The following CELF5 variants were observed in gnomAD, a reference collection of about 807,000 sequenced individuals.
CELF5 encodes CUG-BP and ETR-3 like factor 5.
Under a neutral mutation model 54.9 loss-of-function variants are expected in CELF5, and 6 were observed. That is an observed-to-expected ratio of 0.11 (90% CI 0.06 to 0.22). CELF5 has a LOEUF of 0.22. Ranked by LOEUF, CELF5 falls within the 10% of genes least tolerant of loss-of-function variation. The pLI is 1.00. For synonymous variants in CELF5, 271 were observed against 290.9 expected, an observed-to-expected ratio of 0.93 and a Z score of 0.70; for missense variants, 401 against 678.6, an observed-to-expected ratio of 0.59 and a Z score of 4.54.
chr19:3,242,304 C>T (rs992362224), intron 1 of CELF5, among the ~76,000 whole-genome samples: 14 of 151,770 alleles, frequency 9.2e-5, no homozygotes, highest in African/African-American at 2.4e-4. Context: ...GAGGCTGAGG[C>T]GGGCAGATTA....
chr19:3,276,044 G>C, intron 4 of CELF5, 60 bp downstream of exon 4: 1 of 565,336 alleles, frequency 1.8e-6, no homozygotes, highest in East Asian at 5.1e-5. Context: ...TGGGGGCGGG[G>C]CCTGTGGGGA....
At chr19:3,241,765 G>A (rs1270418378) in intron 1 of CELF5, among the ~76,000 whole-genome samples, 2 of 152,088 alleles carry the variant, frequency 1.3e-5, no homozygotes, top group Non-Finnish European at 2.9e-5. Flanking sequence ...GACAAAGGTG[G>A]CACTAGTTTG....
chr19:3,224,693 C>T lies in CELF5; in HGVS notation c.-47C>T, dbSNP rs1390761359. ...GCGGCCGCCGCTCCAGCTGCGAGTC[C>T]GCCCGCCGCCCGCCGCCGCCGCCGC... On this transcript the variant is annotated 5_prime_UTR_variant, in exon 1 of 13. Transcript: ENST00000292672. 13 of 995,422 alleles carry T rather than the reference C, an allele frequency of 1.3e-5. No homozygotes were observed. The highest frequency in any genetic ancestry group is 1.8e-5 in the African/African-American group (1 of 56,882). 61.7% of individuals were successfully genotyped at this position (995,422 alleles called of 1,614,324 possible).
Position 3,289,681 on chromosome 19 carries a change from C to CAAAAAAAAAAAA in CELF5, c.1187-527_1187-516dup, listed in dbSNP as rs35144942. Among the ~76,000 whole-genome samples, 63 of 47,134 alleles carry CAAAAAAAAAAAA rather than the reference C, an allele frequency of 1.3e-3. 6 individuals are homozygous for CAAAAAAAAAAAA. Among genetic ancestry groups the CAAAAAAAAAAAA allele is most frequent in the African/African-American group, 2.3e-3 (23 of 10,010 alleles). 30.9% of individuals were successfully genotyped at this position (47,134 alleles called of 152,430 possible). A position where few individuals can be genotyped will look rare whatever the true frequency, so the allele number is the denominator to read the frequency against. On this transcript the variant is annotated intron_variant, in intron 10 of 12. Transcript: ENST00000292672. ...TGGGCGACAGAGCGAGACTCCATCT[C>CAAAAAAAAAAAA]AAAAAAAAAAAAAAAAAAAAAAAAA... is the stretch of plus-strand genomic sequence containing the variant.
chr19:3,232,668 G>T (rs1038586588), intron 1 of CELF5, among the ~76,000 whole-genome samples: 1 of 152,184 alleles, frequency 6.6e-6, no homozygotes, highest in Middle Eastern at 3.4e-3. Context: ...CAGGCTGGCT[G>T]CAGTGCATCA....
chr19:3,251,743 C>T (rs1261454046), intron 2 of CELF5, among the ~76,000 whole-genome samples: 8 of 142,066 alleles, frequency 5.6e-5, no homozygotes, highest in Non-Finnish European at 9.0e-5. Flanking sequence ...GTCATGATCT[C>T]GGTTCACTGC....
chr19:3,242,877 T>A (rs758927543), intron 1 of CELF5, among the ~76,000 whole-genome samples: 78 of 151,608 alleles, frequency 5.1e-4, no homozygotes, highest in Non-Finnish European at 9.6e-4. Flanking sequence ...TGAAAGAGAG[T>A]CATTTGAACC....
Position 3,281,502 on chromosome 19 carries a change from C to T in CELF5, c.750+157C>T, listed in dbSNP as rs576194760. Among the ~76,000 whole-genome samples the T allele has an allele frequency of 3.9e-5, 6 of 152,146 alleles. No homozygotes were observed. Among genetic ancestry groups the T allele is most frequent in the Admixed American group, 6.5e-5 (1 of 15,276 alleles). ...CTCCAAATTGAGACCAAGCTCAGAC[C>T]GAGCCCCTAAATCCAGAAGACTGAG... is the stretch of plus-strand genomic sequence containing the variant. On this transcript the variant is annotated intron_variant, in intron 6 of 12. Coordinates refer to ENST00000292672, the MANE Select transcript of CELF5 (RefSeq NM_021938.4). This position sits in a 1 kb window ranked among gnomAD's most constrained non-coding sequence, Gnocchi z 6.5.
Position 3,278,135 on chromosome 19 carries a change from T to TG in CELF5, c.603+30dup. 1 of 766,102 alleles carries TG rather than the reference T, an allele frequency of 1.3e-6. No homozygotes were observed. Among genetic ancestry groups the TG allele is most frequent in the East Asian group, 3.9e-5 (1 of 25,760 alleles). 47.5% of individuals were successfully genotyped at this position (766,102 alleles called of 1,614,324 possible). A position where few individuals can be genotyped will look rare whatever the true frequency, so the allele number is the denominator to read the frequency against. ...GGTGAGTTGGAGCTGCCCTTGGCCG[T>TG]GGGGGTGGGGGTGGGAAAGGGGTGA... is the stretch of plus-strand genomic sequence containing the variant. On this transcript the variant is annotated intron_variant, in intron 5 of 12. Transcript: ENST00000292672. The surrounding 1 kb of genome is among the most constrained non-coding windows in gnomAD (Gnocchi z 4.5).
In CELF5 at chr19:3,281,237, G is replaced by T. The variant is rs760925971; in HGVS notation, c.642G>T (p.Thr214=). ...GCCTGGTGGTCAAGTTCGCCGACAC[G>T]GACAAGGAGCGGACGCTCCGGCGCA... ...SSSLVVKFAD[T]DKERTLRRMQ... The change falls in exon 6 of 13, where the codon ACG becomes ACT. Residue 214 remains threonine (T), a synonymous_variant. Transcript: ENST00000292672. This position sits in a 1 kb window ranked among gnomAD's most constrained non-coding sequence, Gnocchi z 6.5. 6.2e-7 allele frequency: 1 copy of T among 1,610,184 alleles called. No individual in the cohort carries two copies.
At chr19:3,255,092 A>G (rs1289210573) in intron 2 of CELF5, among the ~76,000 whole-genome samples, 1 of 152,124 alleles carries the variant, frequency 6.6e-6, no homozygotes, top group African/African-American at 2.4e-5. Context: ...TCCCATCATC[A>G]GTTCTGTGAC....
In CELF5 at chr19:3,268,038, GCCC is replaced by G. The variant is rs2079907301; in HGVS notation, c.343-5833_343-5831del. Among the ~76,000 whole-genome samples, 1 of 151,998 alleles carries G rather than the reference GCCC, an allele frequency of 6.6e-6. No homozygotes were observed. The highest frequency in any genetic ancestry group is 2.4e-5 in the African/African-American group (1 of 41,350). ...TTTTGAGATGGAGTCTCGCTCTGTCGCCCAGGCTGGAGTGCAGTGATTTGATCT... is the reference window on the plus strand; with the variant it reads ...TTTTGAGATGGAGTCTCGCTCTGTCGAGGCTGGAGTGCAGTGATTTGATCT... On this transcript the variant is annotated intron_variant, in intron 2 of 12. Transcript: ENST00000292672. The surrounding 1 kb of genome is among the most constrained non-coding windows in gnomAD (Gnocchi z 4.4).
intron 1 of CELF5, among the ~76,000 whole-genome samples, chr19:3,245,145 G>A (rs1023569208): frequency 6.8e-6 from 1 of 146,724 alleles, no homozygotes; most frequent in South Asian, 2.2e-4. Flanking sequence ...TGGTGTGTGC[G>A]TGCATCTCTG....
Position 3,225,010 on chromosome 19 carries a change from G to A in CELF5, c.259+12G>A. 1 of 1,494,572 alleles carries A rather than the reference G, an allele frequency of 6.7e-7. No individual in the cohort carries two copies. Among genetic ancestry groups the A allele is most frequent in the East Asian group, 2.7e-5 (1 of 37,326 alleles). The allele number at this position is 1,494,572 out of a possible 1,614,324, so 92.6% of individuals were successfully genotyped here. A position where few individuals can be genotyped will look rare whatever the true frequency, so the allele number is the denominator to read the frequency against. On this transcript the variant is annotated intron_variant, in intron 1 of 12. Transcript: ENST00000292672. ...GGGGATGCACAAAGGTGGGCGCCCG[G>A]CCCCCTCCCCCCTCTCCCCCTCCCT...
At chr19:3,253,803 G>A (rs1838319333) in intron 2 of CELF5, among the ~76,000 whole-genome samples, 2 of 145,740 alleles carry the variant, frequency 1.4e-5, no homozygotes, top group South Asian at 4.7e-4. Context: ...TTTTTGCTTG[G>A]CATCAGGTCC....
At chr19:3,244,888 C>T (rs2079542817) in intron 1 of CELF5, among the ~76,000 whole-genome samples, 3 of 131,534 alleles carry the variant, frequency 2.3e-5, no homozygotes, top group South Asian at 5.0e-4. Flanking sequence ...TGTGTCTTGT[C>T]TGCATATATG....
intron 10 of CELF5, 98 bp downstream of exon 10, chr19:3,286,123 G>C: frequency 1.8e-6 from 2 of 1,088,698 alleles, no homozygotes; most frequent in Non-Finnish European, 2.5e-6. Context: ...TGGGACCCGC[G>C]GGGCTGAGAG....
chr19:3,248,544 T>C (rs1288775135), intron 1 of CELF5, among the ~76,000 whole-genome samples: 1 of 152,196 alleles, frequency 6.6e-6, no homozygotes, highest in Non-Finnish European at 1.5e-5. Flanking sequence ...GGTATCAGAA[T>C]TTCCTTCCTT....
chr19:3,275,936 G>A lies in CELF5; in HGVS notation c.475G>A (p.Val159Ile), dbSNP rs1455396476. The A allele has an allele frequency of 6.2e-7, 1 of 1,610,666 alleles. No individual in the cohort carries two copies. Among genetic ancestry groups the A allele is most frequent in the South Asian group, 1.1e-5 (1 of 91,024 alleles). Residue 159 changes from valine to isoleucine, a missense_variant, in exon 4 of 13, where the codon GTC (valine) becomes ATC (isoleucine). Around this residue, in one of 6 missense-constraint regions of CELF5, gnomAD observed 87 missense variants for 190.2 expected, o/e 0.46. Coordinates refer to ENST00000292672, the MANE Select transcript of CELF5 (RefSeq NM_021938.4). The surrounding 1 kb of genome is among the most constrained non-coding windows in gnomAD (Gnocchi z 6.7). Reference sequence around the variant, plus strand: ...GCTGCGGCTGTTCCAGCCCTTCGGGGTCATTGACGAGTGCACCGTGCTCCG... The same window carrying A: ...GCTGCGGCTGTTCCAGCCCTTCGGGATCATTGACGAGTGCACCGTGCTCCG... ...DVLRLFQPFG[V>I]IDECTVLRGP...
Sources: gnomAD v4.1 joint callset for allele counts (sites outside exome capture counted in the v4.1 genomes callset) on GRCh38, gnomAD v4.1.1 for gene constraint, gnomAD v4.1.1 regional missense constraint, Gnocchi (gnomAD v3.1) non-coding constraint, MANE v1.5 for transcripts, NCBI Gene and HGNC (gene_info 2026-07-23, HGNC 2026-07-21) for gene names.